GALNT13: variants seen among roughly 807,000 people sequenced by gnomAD.
The protein encoded by GALNT13 is UDP-GalNAc:polypeptide N-acetylgalactosaminyltransferase 13.
In GALNT13, 28 loss-of-function variants were observed where a neutral mutation model predicts 64.2. The observed-to-expected ratio is 0.44, with a 90% CI of 0.32 to 0.60. GALNT13 has a LOEUF of 0.60. GALNT13 is among the 20% of genes least tolerant of loss of function. GALNT13 has a pLI of 0.05. For synonymous variants in GALNT13, 214 were observed against 224.6 expected, an observed-to-expected ratio of 0.95 and a Z score of 0.42; for missense variants, 577 against 669.8, an observed-to-expected ratio of 0.86 and a Z score of 1.53.
At chr2:154,302,750 C>G (rs1693513647) in intron 9 of GALNT13, among the ~76,000 whole-genome samples, 1 of 152,120 alleles carries the variant, frequency 6.6e-6, no homozygotes, top group South Asian at 2.1e-4. Flanking sequence ...AATACCTAGA[C>G]TCAATAGGAA....
At chr2:154,422,440 A>G (rs749871168) in intron 11 of GALNT13, among the ~76,000 whole-genome samples, 1 of 152,150 alleles carries the variant, frequency 6.6e-6, no homozygotes, top group Non-Finnish European at 1.5e-5. Flanking sequence ...CATGTGGTGT[A>G]TACAGAAATG....
At chr2:153,524,619 A>G in the GALNT13 span, among the ~76,000 whole-genome samples, 1 of 152,212 alleles carries the variant, frequency 6.6e-6, no homozygotes, top group South Asian at 2.1e-4. Flanking sequence ...AGTATTTGTG[A>G]GCAGTGCAGT....
the GALNT13 span, among the ~76,000 whole-genome samples, chr2:153,266,284 A>G: frequency 1.9e-3 from 296 of 152,320 alleles, 2 homozygotes; most frequent in African/African-American, 6.8e-3. Flanking sequence ...CAACTGGAAT[A>G]TTTATTCGTA....
chr2:153,781,966 A>T, the GALNT13 span, among the ~76,000 whole-genome samples: 1 of 152,144 alleles, frequency 6.6e-6, no homozygotes, highest in Non-Finnish European at 1.5e-5. Flanking sequence ...CCATGTTGTG[A>T]CCTGCGTGGA....
chr2:154,091,991 A>G (rs2105441334), intron 3 of GALNT13, among the ~76,000 whole-genome samples: 1 of 151,644 alleles, frequency 6.6e-6, no homozygotes, highest in African/African-American at 2.4e-5. Context: ...TAGATAGGCA[A>G]AAGCCCCATC....
chr2:154,154,196 A>G (rs967673017), intron 4 of GALNT13, among the ~76,000 whole-genome samples: 6 of 152,236 alleles, frequency 3.9e-5, no homozygotes, highest in Non-Finnish European at 5.9e-5. Context: ...GTTCACAGCA[A>G]TTAAATCTGA....
the GALNT13 span, among the ~76,000 whole-genome samples, chr2:153,487,184 C>G: frequency 6.6e-6 from 1 of 152,202 alleles, no homozygotes; most frequent in Non-Finnish European, 1.5e-5. Context: ...TGAAGATTTA[C>G]AACTTCTGCA....
At chr2:153,244,906 T>G in the GALNT13 span, among the ~76,000 whole-genome samples, 160 of 152,274 alleles carry the variant, frequency 1.1e-3, no homozygotes, top group African/African-American at 3.8e-3. Flanking sequence ...CCAGCAGAAG[T>G]CTGGAGTCCA....
At chr2:154,202,708 A>G (rs1277337056) in intron 4 of GALNT13, among the ~76,000 whole-genome samples, 2 of 152,096 alleles carry the variant, frequency 1.3e-5, no homozygotes, top group Admixed American at 1.3e-4. Context: ...AATATTAAGA[A>G]GCTTTGTTTA....
the GALNT13 span, among the ~76,000 whole-genome samples, chr2:153,267,351 A>G: frequency 2.0e-5 from 3 of 152,182 alleles, no homozygotes; most frequent in Admixed American, 6.5e-5. Context: ...GGTTTTCTAT[A>G]AGGGCTTGAC....
At chr2:153,736,876 T>C in the GALNT13 span, among the ~76,000 whole-genome samples, 8 of 152,164 alleles carry the variant, frequency 5.3e-5, no homozygotes, top group African/African-American at 1.7e-4. Flanking sequence ...GCCAAATGGA[T>C]GCCCTCCTCA....
chr2:154,020,413 CTCATTGTGGT>C (rs779150024), intron 3 of GALNT13, among the ~76,000 whole-genome samples: 20 of 152,156 alleles, frequency 1.3e-4, no homozygotes, highest in Non-Finnish European at 2.6e-4. Flanking sequence ...GAGATGGTAT[CTCATTGTGGT>C]TTTGATTTGC....
In GALNT13 at chr2:154,158,227, C is replaced by T. The variant is rs147366660; in HGVS notation, c.311+17722C>T. ...CCCAAACTCAGCACCAGATAGTCCC[C>T]ACAAAGCCTCGTATTTTCAGGAAGT... On this transcript the variant is annotated intron_variant, in intron 4 of 12. Coordinates refer to ENST00000392825, the MANE Select transcript of GALNT13 (RefSeq NM_052917.4). Among the ~76,000 whole-genome samples the T allele has an allele frequency of 2.8e-3, 428 of 152,238 alleles. 2 individuals carry two copies. Among genetic ancestry groups the T allele is most frequent in the South Asian group, 0.012 (58 of 4,826 alleles).
At chr2:153,079,555 T>A in the GALNT13 span, among the ~76,000 whole-genome samples, 1 of 152,194 alleles carries the variant, frequency 6.6e-6, no homozygotes, top group Non-Finnish European at 1.5e-5. Context: ...TCACATTCTG[T>A]GTTTTATGAT....
chr2:154,436,235 A>G (rs536015205), intron 11 of GALNT13: 2 of 152,326 alleles, frequency 1.3e-5, no homozygotes, highest in South Asian at 4.1e-4. Context: ...ATATACACAT[A>G]TAAGTGCAGA....
chr2:153,601,462 G>C, the GALNT13 span, among the ~76,000 whole-genome samples: 1 of 151,616 alleles, frequency 6.6e-6, no homozygotes, highest in Non-Finnish European at 1.5e-5. Context: ...TCCTTGAGGA[G>C]AGAAACAAAG....
the GALNT13 span, among the ~76,000 whole-genome samples, chr2:153,795,629 T>C: frequency 6.6e-6 from 1 of 152,114 alleles, no homozygotes; most frequent in Non-Finnish European, 1.5e-5. Context: ...CTACATAAAA[T>C]ATGCTTAATA....
chr2:153,352,660 A>T, the GALNT13 span, among the ~76,000 whole-genome samples: 1 of 152,118 alleles, frequency 6.6e-6, no homozygotes, highest in African/African-American at 2.4e-5. Context: ...ATCTAGAATC[A>T]TATATTTGCA....
intron 2 of GALNT13, among the ~76,000 whole-genome samples, chr2:153,920,813 A>G (rs1369986214): frequency 6.6e-6 from 1 of 152,178 alleles, no homozygotes; most frequent in Non-Finnish European, 1.5e-5. Context: ...AAGTGGGCAA[A>G]CGACATGAAC....
Sources: gnomAD v4.1 joint callset for allele counts (sites outside exome capture counted in the v4.1 genomes callset) on GRCh38, gnomAD v4.1.1 for gene constraint, MANE v1.5 for transcripts, NCBI Gene and HGNC (gene_info 2026-07-23, HGNC 2026-07-21) for gene names.